Variants in ATP13A5 observed in about 807,000 individuals in gnomAD.
ATP13A5 encodes ATPase 13A5, also known as probable cation-transporting ATPase 13A5.
ATP13A5 carries 149 observed loss-of-function variants against 150.2 expected under a neutral mutation model. That is an observed-to-expected ratio of 0.99 (90% CI 0.87 to 1.14). The LOEUF (loss-of-function observed/expected upper bound fraction) is 1.14, where lower values mean the gene tolerates loss of function less well. Ranked by LOEUF, ATP13A5 falls within the 50% of genes most tolerant of loss-of-function variation. The pLI, the probability that ATP13A5 is intolerant of heterozygous loss-of-function variation, is 0.00. For synonymous variants in ATP13A5, 497 were observed against 522.2 expected, an observed-to-expected ratio of 0.95 and a Z score of 0.66; for missense variants, 1,383 against 1,449.3, an observed-to-expected ratio of 0.95 and a Z score of 0.74.
chr3:193,307,417 G>T (rs1718660665), intron 21 of ATP13A5, 48 bp from the exon 22 acceptor site: 1 of 1,599,966 alleles, frequency 6.3e-7, no homozygotes, highest in African/African-American at 1.3e-5. Flanking sequence ...AAAATGAACA[G>T]CTCACTTGAA....
chr3:193,364,255 T>C lies in ATP13A5; in HGVS notation c.89A>G (p.Asn30Ser), dbSNP rs1256432437. The C allele has an allele frequency of 1.2e-6, 2 of 1,613,722 alleles. No individual in the cohort carries two copies. The highest frequency in any genetic ancestry group is 2.2e-5 in the South Asian group (2 of 91,004). ...ELEVFGYRDH[N>S]VRKAFCLVAS... ...GACAAGGCAGAAGGCTTTCCGTACATTGTGGTCCCGGTAACCAAACACCTC... is the reference window on the plus strand; with the variant it reads ...GACAAGGCAGAAGGCTTTCCGTACACTGTGGTCCCGGTAACCAAACACCTC... Residue 30 changes from asparagine (N) to serine (S), a missense_variant, in exon 2 of 30, where the codon AAT becomes AGT. By Grantham distance (46) the Asn-to-Ser change is conservative (BLOSUM62 1). Transcript: ENST00000342358.
chr3:193,362,300 A>C, intron 5 of ATP13A5, 81 bp downstream of exon 5: 1 of 1,210,300 alleles, frequency 8.3e-7, no homozygotes, highest in South Asian at 1.2e-5. Flanking sequence ...GCATTATGCC[A>C]ACAATGCACT....
Position 193,285,020 on chromosome 3 carries a change from T to G in ATP13A5, c.3120A>C (p.Leu1040Phe), listed in dbSNP as rs1717659574. ...GNATLIPGSILSFETTTLWPI... is the reference protein window; with the variant it reads ...GNATLIPGSIFSFETTTLWPI... ...GCCACAGTGTGGTGGTCTCAAAACTTAAAATTGAACCAGGAATCAGAGTTG... is the reference window on the plus strand; with the variant it reads ...GCCACAGTGTGGTGGTCTCAAAACTGAAAATTGAACCAGGAATCAGAGTTG... Residue 1040 changes from leucine (L) to phenylalanine (F), a missense_variant, in exon 27 of 30, where the codon TTA becomes TTC. Leu to Phe is a conservative substitution (Grantham distance 22, BLOSUM62 0). Transcript: ENST00000342358. 3 of 1,613,988 alleles carry G rather than the reference T, an allele frequency of 1.9e-6. No individual in the cohort carries two copies. Among genetic ancestry groups the G allele is most frequent in the Non-Finnish European group, 2.5e-6 (3 of 1,179,974 alleles).
At chr3:193,363,977 A>T in intron 2 of ATP13A5, 130 bp downstream of exon 2, 1 of 1,024,212 alleles carries the variant, frequency 9.8e-7, no homozygotes, top group Non-Finnish European at 1.4e-6. Context: ...TCCTGTTTTG[A>T]TCTATGGAAA....
At chr3:193,320,636 C>CTACTTCTAAGGTTT (rs1400839088) in intron 16 of ATP13A5, among the ~76,000 whole-genome samples, 3 of 22,124 alleles carry the variant, frequency 1.4e-4, no homozygotes, top group Non-Finnish European at 2.4e-4. Context: ...AGAAAAGGGG[C>CTACTTCTAAGGTTT]TAAAAAAAGA....
chr3:193,297,912 A>G (rs913243440), intron 25 of ATP13A5, among the ~76,000 whole-genome samples: 1 of 152,140 alleles, frequency 6.6e-6, no homozygotes, highest in African/African-American at 2.4e-5. Flanking sequence ...TTCTAATGAC[A>G]CTGGTCTATC....
At chr3:193,375,729 C>T (rs1713617465) in intron 1 of ATP13A5, among the ~76,000 whole-genome samples, 1 of 152,068 alleles carries the variant, frequency 6.6e-6, no homozygotes, top group Non-Finnish European at 1.5e-5. Flanking sequence ...TAAGCACTAC[C>T]AGGATGAGAA....
chr3:193,277,318 A>G (rs1204295138), intron 28 of ATP13A5, among the ~76,000 whole-genome samples: 1 of 152,198 alleles, frequency 6.6e-6, no homozygotes, highest in Non-Finnish European at 1.5e-5. Context: ...CTGATGGGTT[A>G]ATGAAAGTTG....
chr3:193,315,563 A>G (rs1719017716), intron 17 of ATP13A5, among the ~76,000 whole-genome samples: 1 of 152,160 alleles, frequency 6.6e-6, no homozygotes, highest in African/African-American at 2.4e-5. Context: ...AATAATATTT[A>G]CTGGCATCAG....
At chr3:193,367,820 C>A (rs1298400660) in intron 1 of ATP13A5, among the ~76,000 whole-genome samples, 3 of 152,092 alleles carry the variant, frequency 2.0e-5, no homozygotes, top group Non-Finnish European at 4.4e-5. Context: ...TAGATGAGAA[C>A]ATCTTTAAGC....
intron 17 of ATP13A5, among the ~76,000 whole-genome samples, chr3:193,318,317 C>A (rs1719127914): frequency 6.6e-6 from 1 of 152,146 alleles, no homozygotes; most frequent in Admixed American, 6.5e-5. Flanking sequence ...AATAGATTTT[C>A]TGCTATTCAG....
At chr3:193,333,698 C>A in intron 11 of ATP13A5, 52 bp downstream of exon 11, 1 of 1,548,266 alleles carries the variant, frequency 6.5e-7, no homozygotes, top group Non-Finnish European at 8.8e-7. Context: ...TGAGTTAGGT[C>A]AAGCTCTTTG....
chr3:193,332,155 T>C (rs1711653212), intron 11 of ATP13A5, among the ~76,000 whole-genome samples: 1 of 152,126 alleles, frequency 6.6e-6, no homozygotes, highest in Non-Finnish European at 1.5e-5. Flanking sequence ...CATAATGTTG[T>C]CATGATTGTG....
chr3:193,280,507 T>G (rs983441772), intron 27 of ATP13A5, among the ~76,000 whole-genome samples: 1 of 152,224 alleles, frequency 6.6e-6, no homozygotes, highest in African/African-American at 2.4e-5. Flanking sequence ...TGGCTTTATC[T>G]CTGGTTCTCT....
At chr3:193,377,206 CAG>C (rs760275633) in intron 1 of ATP13A5, among the ~76,000 whole-genome samples, 23 of 152,212 alleles carry the variant, frequency 1.5e-4, no homozygotes, top group Non-Finnish European at 3.1e-4. Flanking sequence ...TCAGAGCTAA[CAG>C]AATTGTTCAG....
At chr3:193,303,024 G>A (rs1718464549) in intron 23 of ATP13A5, among the ~76,000 whole-genome samples, 1 of 152,172 alleles carries the variant, frequency 6.6e-6, no homozygotes, top group African/African-American at 2.4e-5. Flanking sequence ...GCATGAGGAG[G>A]AGCATCTGAA....
In ATP13A5 at chr3:193,322,370, C is replaced by G. The variant is rs577873596; in HGVS notation, c.1758+121G>C. The G allele has an allele frequency of 2.2e-5, 17 of 779,238 alleles. No individual in the cohort carries two copies. The African/African-American group carries it at 2.6e-4, about 12-fold the overall frequency. The allele number at this position is 779,238 out of a possible 1,614,324, so 48.3% of individuals were successfully genotyped here. ...ATTCGGAAATGAAAGAAACAGCAAA[C>G]CAACCGTGGAAACTGTTATGATAAG... On this transcript the variant is annotated intron_variant, in intron 15 of 29. Transcript: ENST00000342358.
intron 1 of ATP13A5, among the ~76,000 whole-genome samples, chr3:193,370,883 G>C (rs1291488693): frequency 6.6e-6 from 1 of 152,162 alleles, no homozygotes; most frequent in Non-Finnish European, 1.5e-5. Flanking sequence ...ATTCAGTCTG[G>C]AGTAAGAAAA....
chr3:193,317,265 C>A (rs889715438), intron 17 of ATP13A5, among the ~76,000 whole-genome samples: 1 of 152,192 alleles, frequency 6.6e-6, no homozygotes, highest in South Asian at 2.1e-4. Context: ...AAATGACATT[C>A]TCTGTCTTTT....
Sources: allele counts gnomAD v4.1 joint callset (sites outside exome capture counted in the v4.1 genomes callset), GRCh38; gene constraint gnomAD v4.1.1; transcripts MANE v1.5; gene names NCBI Gene and HGNC (gene_info 2026-07-23, HGNC 2026-07-21).